Variants in DMD observed in about 807,000 individuals in gnomAD.
DMD encodes the protein dystrophin, also known as mutant dystrophin.
DMD carries 63 observed loss-of-function variants against 330.1 expected under a neutral mutation model. That is an observed-to-expected ratio of 0.19 (90% CI 0.16 to 0.24). DMD has a LOEUF of 0.24. Ranked by LOEUF, DMD falls within the 10% of genes least tolerant of loss-of-function variation. The pLI, the probability that DMD is intolerant of heterozygous loss-of-function variation, is 1.00. For missense variants in DMD, 3,344 were observed against 2,684.1 expected (o/e 1.25, Z -5.43); for synonymous variants, 1,223 against 959.8 (o/e 1.27, Z -5.07).
At chrX:31,666,216 G>A (rs895574938) in intron 53 of DMD, among the ~76,000 whole-genome samples, 1 of 111,696 alleles carries the variant, frequency 9.0e-6, no homozygotes, top group Non-Finnish European at 1.9e-5. Context: ...AATATCCAGT[G>A]CCTTTTCACG....
At chrX:32,738,712 G>A (rs1482276225) in intron 7 of DMD, among the ~76,000 whole-genome samples, 2 of 111,532 alleles carry the variant, frequency 1.8e-5, no homozygotes, top group Non-Finnish European at 3.8e-5. Flanking sequence ...GAACAGAATT[G>A]GAGAACATCC....
rs749190967 is a variant in DMD, at chrX:33,039,328, C to T, written c.32-19128G>A. On this transcript the variant is annotated intron_variant, in intron 1 of 78. Transcript: ENST00000357033. The stretch of plus-strand genomic sequence containing the variant: ...GTCAATACCACACTCCTTATCTTTT[C>T]TTTTTCCTTCCTACGCCCACCCCAC... 5.4e-5 allele frequency among the ~76,000 whole-genome samples: 6 copies of T among 110,671 alleles called. No individual in the cohort carries two copies. The South Asian group carries it at 2.3e-3, about 43-fold the overall frequency.
intron 2 of DMD, among the ~76,000 whole-genome samples, chrX:32,891,508 G>C (rs1385419167): frequency 8.9e-6 from 1 of 111,926 alleles, no homozygotes; most frequent in Non-Finnish European, 1.9e-5. Flanking sequence ...TGAAAATCAA[G>C]AATTATAAGG....
intron 54 of DMD, among the ~76,000 whole-genome samples, chrX:31,649,581 A>ATT (rs768282976): frequency 0.038 from 3,875 of 102,709 alleles, 125 homozygotes; most frequent in African/African-American, 0.092. Flanking sequence ...AATGCAGAGA[A>ATT]TTTTTTTTTT....
chrX:32,523,401 T>C (rs1316542323), intron 17 of DMD, among the ~76,000 whole-genome samples: 1 of 111,954 alleles, frequency 8.9e-6, no homozygotes, highest in Non-Finnish European at 1.9e-5. Flanking sequence ...GAATTATAAC[T>C]CTGTATTTTG....
At chrX:31,931,371 T>C (rs1244188502) in intron 46 of DMD, among the ~76,000 whole-genome samples, 6 of 110,042 alleles carry the variant, frequency 5.5e-5, no homozygotes, top group Non-Finnish European at 1.1e-4. Flanking sequence ...AGCATGTCAG[T>C]CAGCCAAGGG....
chrX:32,545,629 T>C (rs1306112149), intron 16 of DMD, among the ~76,000 whole-genome samples: 3 of 111,303 alleles, frequency 2.7e-5, no homozygotes, highest in African/African-American at 9.8e-5. Flanking sequence ...AAATGTAGAG[T>C]ATAATTCATT....
At chrX:32,604,435 C>G (rs758683033) in intron 12 of DMD, among the ~76,000 whole-genome samples, 1 of 109,987 alleles carries the variant, frequency 9.1e-6, no homozygotes, top group African/African-American at 3.3e-5. Flanking sequence ...AAACCAAGAG[C>G]CAACATCATA....
intron 44 of DMD, among the ~76,000 whole-genome samples, chrX:32,026,669 G>A (rs931921161): frequency 8.9e-6 from 1 of 112,198 alleles, no homozygotes; most frequent in Non-Finnish European, 1.9e-5. Context: ...ATTAAAAAAT[G>A]TATCTATTCC....
intron 1 of DMD, among the ~76,000 whole-genome samples, chrX:33,225,434 C>G (rs2052268192): frequency 9.0e-6 from 1 of 111,071 alleles, no homozygotes; most frequent in Non-Finnish European, 1.9e-5. Flanking sequence ...GATTTTGACA[C>G]AGTGCAAAAT....
intron 59 of DMD, among the ~76,000 whole-genome samples, chrX:31,470,469 C>T (rs1416794030): frequency 8.9e-6 from 1 of 111,878 alleles, no homozygotes; most frequent in African/African-American, 3.3e-5. Flanking sequence ...TGAGTATCAC[C>T]AGCAGAAGCT....
At chrX:33,075,542 G>A (rs2094826935) in intron 1 of DMD, among the ~76,000 whole-genome samples, 1 of 112,244 alleles carries the variant, frequency 8.9e-6, no homozygotes, top group East Asian at 2.8e-4. Context: ...TAAGAAATAA[G>A]TTCCTTTTTG....
intron 44 of DMD, among the ~76,000 whole-genome samples, chrX:32,178,942 C>G (rs1275835588): frequency 1.0e-4 from 3 of 29,475 alleles, no homozygotes; most frequent in East Asian, 5.8e-4. Flanking sequence ...ACCCCAGATT[C>G]TCTCTCTCTC....
At chrX:31,788,095 A>T (rs553115121) in intron 50 of DMD, among the ~76,000 whole-genome samples, 1 of 112,251 alleles carries the variant, frequency 8.9e-6, no homozygotes, top group South Asian at 3.7e-4. Context: ...CATTAGCATG[A>T]CAGTTTTGAT....
rs772046336 is a variant in DMD at position 31,910,321 on chromosome X, T to C, written c.6912+19275A>G. 3.6e-5 allele frequency among the ~76,000 whole-genome samples: 4 copies of C among 112,324 alleles called. No individual in the cohort carries two copies. In the Admixed American group the frequency reaches 3.8e-4, roughly 11 times the overall value. ...TGCCAGGCAAGCAAGGAATTCAGCT[T>C]TGTTCTAGACTGCTGTTTGGCACAG... On this transcript the variant is annotated intron_variant, in intron 47 of 78. Coordinates refer to ENST00000357033, the MANE Select transcript of DMD (RefSeq NM_004006.3).
At chrX:31,284,576 T>TTCTTCTTCTTCTTCTTCTTCTTC in intron 62 of DMD, among the ~76,000 whole-genome samples, 2 of 92,354 alleles carry the variant, frequency 2.2e-5, no homozygotes, top group African/African-American at 8.6e-5. Context: ...CTTCTTCTTC[T>TTCTTCTTCTTCTTCTTCTTCTTC]TCTTCTTCTT....
chrX:32,707,484 C>G (rs1010308095), intron 7 of DMD, among the ~76,000 whole-genome samples: 2 of 111,409 alleles, frequency 1.8e-5, no homozygotes, highest in Non-Finnish European at 3.8e-5. Flanking sequence ...AAATTCGCAA[C>G]CAACTGTGAC....
At chrX:31,634,765 C>T (rs1345029258) in intron 54 of DMD, among the ~76,000 whole-genome samples, 2 of 110,913 alleles carry the variant, frequency 1.8e-5, no homozygotes, top group African/African-American at 6.5e-5. Flanking sequence ...CTGAAAAGAC[C>T]TGCATTAGGA....
At chrX:32,729,526 G>A (rs1200043401) in intron 7 of DMD, among the ~76,000 whole-genome samples, 1 of 111,496 alleles carries the variant, frequency 9.0e-6, no homozygotes, top group Non-Finnish European at 1.9e-5. Flanking sequence ...TTCTCCAAGA[G>A]GAGTATTATA....
Sources: gnomAD v4.1 joint callset for allele counts (sites outside exome capture counted in the v4.1 genomes callset) on GRCh38, gnomAD v4.1.1 for gene constraint, MANE v1.5 for transcripts, NCBI Gene and HGNC (gene_info 2026-07-23, HGNC 2026-07-21) for gene names.